Variants in RHBDD3 observed in about 807,000 individuals in gnomAD.
The protein encoded by RHBDD3 is rhomboid domain containing 3.
A neutral mutation model predicts 32.3 loss-of-function variants in RHBDD3; 34 were observed. The observed-to-expected ratio is 1.05, with a 90% CI of 0.80 to 1.40. The LOEUF is 1.40. RHBDD3 is among the 40% of genes most tolerant of loss of function. RHBDD3 has a pLI of 0.00. For synonymous variants in RHBDD3, 249 were observed against 239.1 expected, an observed-to-expected ratio of 1.04 and a Z score of -0.38; for missense variants, 482 against 492.6, an observed-to-expected ratio of 0.98 and a Z score of 0.20.
In RHBDD3 at chr22:29,260,093, C is replaced by T; in HGVS notation, c.1128G>A (p.Gly376=). 1 of 1,575,902 alleles carries T rather than the reference C, an allele frequency of 6.3e-7. No homozygotes were observed. The highest frequency in any genetic ancestry group is 8.6e-7 in the Non-Finnish European group (1 of 1,161,210). The change falls in exon 7 of 7, where the codon GGG becomes GGA. Residue 376 remains glycine, a synonymous_variant. Coordinates refer to ENST00000216085, the MANE Select transcript of RHBDD3 (RefSeq NM_012265.3). ...GCCCAGGACCCTCGGAGTGGGCAGG[C>T]CCACCCTTTCCATGGGTCACCAGGG... ...TETLVTHGKG[G]PAHSEGPGPP
At chr22:29,263,676 G>A (rs1012698708) in intron 4 of RHBDD3, among the ~76,000 whole-genome samples, 159 bp downstream of exon 4, 6 of 152,210 alleles carry the variant, frequency 3.9e-5, no homozygotes, top group Admixed American at 3.9e-4. Context: ...TCCCAGCCCA[G>A]AGCATGTCCC....
Position 29,260,062 on chromosome 22 carries a change from A to G in RHBDD3, c.1159T>C (p.Ter387GlnextTer14), listed in dbSNP as rs1463223858. 6.4e-7 allele frequency: 1 copy of G among 1,559,214 alleles called. No homozygotes were observed. Among genetic ancestry groups the G allele is most frequent in the Non-Finnish European group, 8.7e-7 (1 of 1,152,044 alleles). Residue 387 changes from the stop codon to glutamine (Q), a stop_lost, in exon 7 of 7, where the codon TAG (stop) becomes CAG (glutamine). Coordinates refer to ENST00000216085, the MANE Select transcript of RHBDD3 (RefSeq NM_012265.3). ...PAHSEGPGPP[*>Q] ...CTGTGCCCCACTCTCTGCCTGGGCT[A>G]GGGAGGCCCAGGACCCTCGGAGTGG...
In RHBDD3 at chr22:29,267,587, C is replaced by G. The variant is rs190036602; in HGVS notation, c.-194-10G>C. ...GCCTCAGTTTCCCCTTCTGTAGAAA[C>G]AAGGATATCGGATGAGGGATGATTA... On this transcript the variant is annotated splice_polypyrimidine_tract_variant and intron_variant, in intron 1 of 6. Transcript: ENST00000216085. 6.5e-6 allele frequency: 1 copy of G among 153,038 alleles called. No homozygotes were observed. The highest frequency in any genetic ancestry group is 1.5e-5 in the Non-Finnish European group (1 of 68,274). The allele number at this position is 153,038 out of a possible 1,614,324, so 9.5% of individuals were successfully genotyped here.
In RHBDD3 at chr22:29,260,804, T is replaced by C. The variant is rs1569018485; in HGVS notation, c.593A>G (p.Glu198Gly). Residue 198 changes from glutamate (E) to glycine (G), a missense_variant, in exon 5 of 7, where the codon GAG becomes GGG. Coordinates refer to ENST00000216085, the MANE Select transcript of RHBDD3 (RefSeq NM_012265.3). ...CGCCAAGGTCCTGCACAAGACGCCC[T>C]CCTGCAGCACCTGCAGCCGTCGCTC... ...PSERRLQVLQ[E>G]GVLCRTLAGC... 2 of 1,607,780 alleles carry C rather than the reference T, an allele frequency of 1.2e-6. No individual in the cohort carries two copies. The highest frequency in any genetic ancestry group is 1.7e-6 in the Non-Finnish European group (2 of 1,178,088).
At chr22:29,266,989 A>C (rs1318365452) in intron 2 of RHBDD3, among the ~76,000 whole-genome samples, 3 of 152,196 alleles carry the variant, frequency 2.0e-5, no homozygotes, top group African/African-American at 7.2e-5. Flanking sequence ...CAGCTTGGCC[A>C]GTCTGTCTCC....
In RHBDD3 at chr22:29,265,501, C is replaced by G; in HGVS notation, c.126G>C (p.Glu42Asp). Residue 42 changes from glutamate (E) to aspartate (D), a missense_variant, in exon 3 of 7, where the codon GAG becomes GAC. Physicochemically the swap from Glu to Asp is conservative, Grantham distance 45 (BLOSUM62 2). Transcript: ENST00000216085. ...CACCCTGCCAGGGGTCCAGCAACAG[C>G]TCCGGGGCCAGGACCAGGCCGGGGC... Reference protein sequence around the residue: ...GAGPGLVLAPELLLDPWQVHR... With the variant: ...GAGPGLVLAPDLLLDPWQVHR... 1.3e-6 allele frequency: 2 copies of G among 1,547,416 alleles called. No homozygotes were observed. The highest frequency in any genetic ancestry group is 1.7e-6 in the Non-Finnish European group (2 of 1,154,784).
intron 4 of RHBDD3, 150 bp from the exon 5 acceptor site, chr22:29,261,014 G>T: frequency 2.5e-6 from 2 of 798,776 alleles, no homozygotes; most frequent in Non-Finnish European, 3.8e-6. Context: ...GCGTCACCCT[G>T]GTCAGCAGCA....
chr22:29,266,640 T>G (rs899823334), intron 2 of RHBDD3, among the ~76,000 whole-genome samples: 1 of 152,010 alleles, frequency 6.6e-6, no homozygotes, highest in Non-Finnish European at 1.5e-5. Context: ...CAAGGCCTTC[T>G]CCCCCGTGCT....
intron 4 of RHBDD3, 33 bp downstream of exon 4, chr22:29,263,802 T>A (rs1214811670): frequency 1.3e-6 from 2 of 1,482,146 alleles, no homozygotes; most frequent in South Asian, 2.7e-5. Context: ...AACCCACACA[T>A]CCCCACGGGC....
Position 29,263,855 on chromosome 22 carries a change from C to A in RHBDD3, c.512G>T (p.Gly171Val). The A allele has an allele frequency of 6.5e-7, 1 of 1,536,512 alleles. No individual in the cohort carries two copies. Among genetic ancestry groups the A allele is most frequent in the Non-Finnish European group, 8.8e-7 (1 of 1,137,382 alleles). Residue 171 changes from glycine to valine, a missense_variant, in exon 4 of 7, where the codon GGC becomes GTC. Physicochemically the swap from Gly to Val is moderately radical, Grantham distance 109 (BLOSUM62 -3). Transcript: ENST00000216085. The stretch of plus-strand genomic sequence containing the variant: ...GATACAGGCCAGGCCGGCAAGGAGG[C>A]CGCAAAGGAGCTGCAGGAAGGGTGG... ...SEPPFLQLLCGLLAGLAYAAG... is the reference protein window; with the variant it reads ...SEPPFLQLLCVLLAGLAYAAG...
chr22:29,260,884 C>G lies in RHBDD3; in HGVS notation c.533-20G>C. 1 of 1,536,756 alleles carries G rather than the reference C, an allele frequency of 6.5e-7. No individual in the cohort carries two copies. The highest frequency in any genetic ancestry group is 1.3e-5 in the South Asian group (1 of 79,142). ...CTGCATCTGTCTGCCCGGGGCAGGG[C>G]GGCCGGTCAAGGAAAACCAAAAGCA... is the stretch of plus-strand genomic sequence containing the variant. On this transcript the variant is annotated intron_variant, in intron 4 of 6. Transcript: ENST00000216085.
chr22:29,264,800 T>C (rs868675319), intron 3 of RHBDD3, among the ~76,000 whole-genome samples: 5 of 152,148 alleles, frequency 3.3e-5, no homozygotes, highest in Admixed American at 6.5e-5. Context: ...TTTTTTGAGA[T>C]GGAGTCTCAC....
At chr22:29,261,016 T>A in intron 4 of RHBDD3, 152 bp from the exon 5 acceptor site, 3 of 789,816 alleles carry the variant, frequency 3.8e-6, no homozygotes, top group Non-Finnish European at 5.9e-6. Context: ...GTCACCCTGG[T>A]CAGCAGCAGA....
chr22:29,264,150 G>A lies in RHBDD3; in HGVS notation c.217C>T (p.Leu73=). The A allele has an allele frequency of 1.3e-6, 2 of 1,586,304 alleles. No homozygotes were observed. Among genetic ancestry groups the A allele is most frequent in the South Asian group, 1.2e-5 (1 of 86,658 alleles). ...TCCTGCTGCCAGCCCACAGTGGGCAGGAGCAGCAGGCTCAGGAGCAGGCCT... is the reference window on the plus strand; with the variant it reads ...TCCTGCTGCCAGCCCACAGTGGGCAAGAGCAGCAGGCTCAGGAGCAGGCCT... ...LPGLLLSLLL[L]PTVGWQQECH... is the part of the protein sequence containing the mutation. The change falls in exon 4 of 7, where the codon CTG becomes TTG. Residue 73 remains leucine, a synonymous_variant. Transcript: ENST00000216085.
In RHBDD3 at chr22:29,261,208, G is replaced by A. The variant is rs1054022811; in HGVS notation, c.533-344C>T. The A allele has an allele frequency of 5.6e-6, 3 of 535,868 alleles. No homozygotes were observed. The Admixed American group carries it at 6.9e-5, about 12-fold the overall frequency. The allele number at this position is 535,868 out of a possible 1,614,324, so 33.2% of individuals were successfully genotyped here. ...AAGTCCCATGGACACACCTGCTATT[G>A]CCTTCAGACAGGCCTGGATAACTCC... On this transcript the variant is annotated intron_variant, in intron 4 of 6. Coordinates refer to ENST00000216085, the MANE Select transcript of RHBDD3 (RefSeq NM_012265.3).
In RHBDD3 at chr22:29,264,574, A is replaced by G. The variant is rs189946056; in HGVS notation, c.149-356T>C. On this transcript the variant is annotated intron_variant, in intron 3 of 6. Transcript: ENST00000216085. ...TGAGAGCATGAAATGGCCTGCTTCA[A>G]TCCTGGAGCTACCCCATTCCCTCAA... is the stretch of plus-strand genomic sequence containing the variant. 22 of 952,852 alleles carry G rather than the reference A, an allele frequency of 2.3e-5. No homozygotes were observed. The East Asian group carries it at 2.3e-3, about 100-fold the overall frequency. The allele number at this position is 952,852 out of a possible 1,614,324, so 59.0% of individuals were successfully genotyped here. A position where few individuals can be genotyped will look rare whatever the true frequency, so the allele number is the denominator to read the frequency against.
intron 2 of RHBDD3, among the ~76,000 whole-genome samples, chr22:29,265,999 C>G (rs1395743710): frequency 6.6e-6 from 1 of 152,186 alleles, no homozygotes; most frequent in Non-Finnish European, 1.5e-5. Flanking sequence ...TGTCCTCCCC[C>G]TTCCCTCAGA....
At chr22:29,263,303 A>G (rs2058140560) in intron 4 of RHBDD3, among the ~76,000 whole-genome samples, 1 of 152,078 alleles carries the variant, frequency 6.6e-6, no homozygotes, top group Non-Finnish European at 1.5e-5. Context: ...TTGGCCTCCC[A>G]AAGTGTTGGG....
In RHBDD3 at chr22:29,264,151, G is replaced by A. The variant is rs374198036; in HGVS notation, c.216C>T (p.Leu72=). Residue 72 remains leucine (L), a synonymous_variant, in exon 4 of 7, where the codon CTC becomes CTT. Coordinates refer to ENST00000216085, the MANE Select transcript of RHBDD3 (RefSeq NM_012265.3). The stretch of plus-strand genomic sequence containing the variant: ...CCTGCTGCCAGCCCACAGTGGGCAG[G>A]AGCAGCAGGCTCAGGAGCAGGCCTG... ...ALPGLLLSLL[L]LPTVGWQQEC... The A allele has an allele frequency of 3.1e-5, 49 of 1,586,636 alleles. No individual in the cohort carries two copies. The highest frequency in any genetic ancestry group is 3.9e-5 in the Non-Finnish European group (46 of 1,168,044).
Sources: allele counts gnomAD v4.1 joint callset (sites outside exome capture counted in the v4.1 genomes callset), GRCh38; gene constraint gnomAD v4.1.1; transcripts MANE v1.5; gene names NCBI Gene and HGNC (gene_info 2026-07-23, HGNC 2026-07-21).